The following CRMP1 variants were observed in gnomAD, a reference collection of about 807,000 sequenced individuals.
CRMP1 encodes the protein dihydropyrimidinase-related protein 1.
Under a neutral mutation model 68.3 loss-of-function variants are expected in CRMP1, and 19 were observed. The ratio of observed to expected loss-of-function variants is 0.28; its 90% CI spans 0.19 to 0.41. The LOEUF is 0.41. Among genes scored for constraint, CRMP1 ranks in the 10% least tolerant of loss-of-function variants. The probability of loss-of-function intolerance (pLI) is 1.00; values close to 1 mark genes in which losing one functional copy is unlikely to be tolerated. For synonymous variants in CRMP1, 439 were observed against 399.6 expected (o/e 1.10, Z -1.18); for missense variants, 791 against 967.4 (o/e 0.82, Z 2.42).
chr4:5,875,598 G>A (rs945937244), intron 1 of CRMP1, among the ~76,000 whole-genome samples: 4 of 152,096 alleles, frequency 2.6e-5, no homozygotes, highest in Admixed American at 1.3e-4. Context: ...TAGGAGTTCA[G>A]AAGTCTAGAA....
rs1328762803 is a variant in CRMP1 at position 5,858,424 on chromosome 4, G to C, written c.656-2117C>G. Among the ~76,000 whole-genome samples, 6 of 151,456 alleles carry C rather than the reference G, an allele frequency of 4.0e-5. No individual in the cohort carries two copies. Among genetic ancestry groups the C allele is most frequent in the Non-Finnish European group, 7.4e-5 (5 of 67,976 alleles). ...TACTCTCCCCACCCCGACCCCAGCTGTGGTGGACATCACCAACCAACGGTT... is the reference window on the plus strand; with the variant it reads ...TACTCTCCCCACCCCGACCCCAGCTCTGGTGGACATCACCAACCAACGGTT... On this transcript the variant is annotated intron_variant, in intron 3 of 13. Transcript: ENST00000324989. The surrounding 1 kb of genome is among the most constrained non-coding windows in gnomAD (Gnocchi z 5.5).
chr4:5,843,035 T>A lies in CRMP1; in HGVS notation c.1032+58A>T. 1.9e-6 allele frequency: 3 copies of A among 1,538,470 alleles called. No homozygotes were observed. In the South Asian group the frequency reaches 3.4e-5, roughly 17 times the overall value. ...CTGGGCTACTCCAGCTGGAACAGCA[T>A]CAAGGTGAGTGCTCAGTGGTGAGTG... On this transcript the variant is annotated intron_variant, in intron 7 of 13. Transcript: ENST00000324989. This position sits in a 1 kb window ranked among gnomAD's most constrained non-coding sequence, Gnocchi z 4.1.
chr4:5,851,959 GGAGGAA>G (rs1712686035), intron 4 of CRMP1, among the ~76,000 whole-genome samples: 1 of 16,246 alleles, frequency 6.2e-5, no homozygotes, highest in African/African-American at 1.2e-4. Flanking sequence ...GGGAGAAGAA[GGAGGAA>G]GAGGAAGAGG....
In CRMP1 at chr4:5,892,912, G is replaced by A; in HGVS notation, c.58C>T (p.Arg20Trp). ...GGGGTCTGCGCCGCGCTGCCCGGCCGCGCCAGGTACACGGGCAGGTCGTCC... is the reference window on the plus strand; with the variant it reads ...GGGGTCTGCGCCGCGCTGCCCGGCCACGCCAGGTACACGGGCAGGTCGTCC... ...TEDDLPVYLA[R>W]PGSAAQTPRQ... Residue 20 changes from arginine (R) to tryptophan (W), a missense_variant, in exon 1 of 14, where the codon CGG becomes TGG. Transcript: ENST00000324989. This position sits in a 1 kb window ranked among gnomAD's most constrained non-coding sequence, Gnocchi z 8.6. The A allele has an allele frequency of 1.5e-6, 2 of 1,351,504 alleles. No homozygotes were observed. The highest frequency in any genetic ancestry group is 1.6e-5 in the South Asian group (1 of 60,860). 83.7% of individuals were successfully genotyped at this position (1,351,504 alleles called of 1,614,324 possible). A position where few individuals can be genotyped will look rare whatever the true frequency, so the allele number is the denominator to read the frequency against.
Position 5,842,453 on chromosome 4 carries a change from G to GA in CRMP1, c.1032+639dup, listed in dbSNP as rs1177892214. 1.2e-4 allele frequency among the ~76,000 whole-genome samples: 18 copies of GA among 147,234 alleles called. No individual in the cohort carries two copies. The highest frequency in any genetic ancestry group is 1.7e-4 in the African/African-American group (7 of 40,076). ...CAAAAAAAAAAAAAAAAAAAGAAAA[G>GA]AAAGAAAGAAAGTAAAAAGAAGGTG... On this transcript the variant is annotated intron_variant, in intron 7 of 13. Coordinates refer to ENST00000324989, the MANE Select transcript of CRMP1 (RefSeq NM_001014809.3). The surrounding 1 kb of genome is among the most constrained non-coding windows in gnomAD (Gnocchi z 4.5).
intron 11 of CRMP1, among the ~76,000 whole-genome samples, chr4:5,830,170 A>G (rs1230880257): frequency 1.3e-5 from 2 of 152,166 alleles, no homozygotes; most frequent in Non-Finnish European, 2.9e-5. Context: ...TGTTTTGCAC[A>G]TTATTCTATT....
chr4:5,849,252 G>A (rs1577785036), intron 6 of CRMP1, 140 bp downstream of exon 6: 2 of 658,538 alleles, frequency 3.0e-6, no homozygotes, highest in East Asian at 5.4e-5. Context: ...ATTCATATCT[G>A]ATGTGTCTGA....
rs1716025159 is a variant in CRMP1 at position 5,893,046 on chromosome 4, C to A, written c.-77G>T. Reference sequence around the variant, plus strand: ...CTGGGCACCGCCGTGCGCCGCGCTCCGCGCCTCGGTGCGGGCCTGCGGCGG... The same window carrying A: ...CTGGGCACCGCCGTGCGCCGCGCTCAGCGCCTCGGTGCGGGCCTGCGGCGG... On this transcript the variant is annotated 5_prime_UTR_variant, in exon 1 of 14. Transcript: ENST00000324989. The A allele has an allele frequency of 1.1e-5, 11 of 985,436 alleles. No homozygotes were observed. Among genetic ancestry groups the A allele is most frequent in the African/African-American group, 3.5e-5 (2 of 56,858 alleles). The allele number at this position is 985,436 out of a possible 1,614,324, so 61.0% of individuals were successfully genotyped here. A position where few individuals can be genotyped will look rare whatever the true frequency, so the allele number is the denominator to read the frequency against.
intron 10 of CRMP1, 133 bp from the exon 11 acceptor site, chr4:5,836,218 G>C (rs543729264): frequency 1.2e-5 from 9 of 747,782 alleles, no homozygotes; most frequent in Middle Eastern, 4.3e-4. Flanking sequence ...AGCTAAAAAC[G>C]TGCCATCATC....
rs755540403 is a variant in CRMP1, at chr4:5,890,550, G to A, written c.381+2039C>T. Among the ~76,000 whole-genome samples the A allele has an allele frequency of 6.6e-6, 1 of 152,230 alleles. No individual in the cohort carries two copies. Among genetic ancestry groups the A allele is most frequent in the Admixed American group, 6.5e-5 (1 of 15,292 alleles). On this transcript the variant is annotated intron_variant, in intron 1 of 13. Transcript: ENST00000324989. This position sits in a 1 kb window ranked among gnomAD's most constrained non-coding sequence, Gnocchi z 5.5. Reference sequence around the variant, plus strand: ...CGGCAGAAAGTAAAACCCTCCCTCCGTGGAGATCGCGAGCCCCTGAGTTCC... The same window carrying A: ...CGGCAGAAAGTAAAACCCTCCCTCCATGGAGATCGCGAGCCCCTGAGTTCC...
chr4:5,829,457 T>G (rs944211143), intron 11 of CRMP1, among the ~76,000 whole-genome samples: 9 of 152,204 alleles, frequency 5.9e-5, no homozygotes, highest in African/African-American at 2.2e-4. Context: ...GACAGTTGTG[T>G]GTCAACTGTC....
Position 5,892,895 on chromosome 4 carries a change from C to T in CRMP1, c.75G>A (p.Ala25=), listed in dbSNP as rs1347912557. The T allele has an allele frequency of 3.6e-6, 5 of 1,381,004 alleles. No individual in the cohort carries two copies. Among genetic ancestry groups the T allele is most frequent in the Non-Finnish European group, 4.7e-6 (5 of 1,061,130 alleles). The allele number at this position is 1,381,004 out of a possible 1,614,324, so 85.5% of individuals were successfully genotyped here. A position where few individuals can be genotyped will look rare whatever the true frequency, so the allele number is the denominator to read the frequency against. Reference sequence around the variant, plus strand: ...CGCCGTACTTCTGGCGCGGGGTCTGCGCCGCGCTGCCCGGCCGCGCCAGGT... The same window carrying T: ...CGCCGTACTTCTGGCGCGGGGTCTGTGCCGCGCTGCCCGGCCGCGCCAGGT... ...PVYLARPGSA[A]QTPRQKYGGM... Residue 25 remains alanine, a synonymous_variant, in exon 1 of 14, where the codon GCG becomes GCA. Coordinates refer to ENST00000324989, the MANE Select transcript of CRMP1 (RefSeq NM_001014809.3). This position sits in a 1 kb window ranked among gnomAD's most constrained non-coding sequence, Gnocchi z 8.6.
At chr4:5,884,516 C>G (rs1439433824) in intron 1 of CRMP1, among the ~76,000 whole-genome samples, 2 of 147,890 alleles carry the variant, frequency 1.4e-5, no homozygotes, top group African/African-American at 5.1e-5. Context: ...TTTCCTAGCA[C>G]GCAGACCAGC....
chr4:5,880,445 G>A lies in CRMP1; in HGVS notation c.381+12144C>T, dbSNP rs561075374. 9.9e-5 allele frequency among the ~76,000 whole-genome samples: 15 copies of A among 152,260 alleles called. No homozygotes were observed. The East Asian group carries it at 2.7e-3, about 27-fold the overall frequency. On this transcript the variant is annotated intron_variant, in intron 1 of 13. Coordinates refer to ENST00000324989, the MANE Select transcript of CRMP1 (RefSeq NM_001014809.3). ...GGCAGGTTCAAAATTTCCTCAAATA[G>A]CCACCTTTTTGCTGTATGTAATTCT...
chr4:5,844,462 A>G (rs1048564732), intron 6 of CRMP1, among the ~76,000 whole-genome samples: 1 of 152,206 alleles, frequency 6.6e-6, no homozygotes, highest in Non-Finnish European at 1.5e-5. Context: ...ATGATGAAGA[A>G]AAACAAAGAC....
At position 5,834,113 on chromosome 4, in the gene CRMP1, G is replaced by T. The variant is rs1003582510; in HGVS notation, c.1623+1802C>A. On this transcript the variant is annotated intron_variant, in intron 11 of 13. Coordinates refer to ENST00000324989, the MANE Select transcript of CRMP1 (RefSeq NM_001014809.3). The surrounding 1 kb of genome is among the most constrained non-coding windows in gnomAD (Gnocchi z 4.3). Reference sequence around the variant, plus strand: ...ACTTCCTTCTGGGTCCTTGTCCGCCGACCTTTGACTGGCTGACACAGACAT... The same window carrying T: ...ACTTCCTTCTGGGTCCTTGTCCGCCTACCTTTGACTGGCTGACACAGACAT... Among the ~76,000 whole-genome samples, 3 of 152,186 alleles carry T rather than the reference G, an allele frequency of 2.0e-5. No homozygotes were observed. The highest frequency in any genetic ancestry group is 7.2e-5 in the African/African-American group (3 of 41,436).
chr4:5,893,050 C>G lies in CRMP1; in HGVS notation c.-81G>C. 1.0e-6 allele frequency: 1 copy of G among 959,500 alleles called. No homozygotes were observed. The highest frequency in any genetic ancestry group is 4.7e-5 in the South Asian group (1 of 21,170). The allele number at this position is 959,500 out of a possible 1,614,324, so 59.4% of individuals were successfully genotyped here. ...GCACCGCCGTGCGCCGCGCTCCGCG[C>G]CTCGGTGCGGGCCTGCGGCGGCCCG... On this transcript the variant is annotated 5_prime_UTR_variant, in exon 1 of 14. Coordinates refer to ENST00000324989, the MANE Select transcript of CRMP1 (RefSeq NM_001014809.3).
chr4:5,824,513 ACT>A, intron 13 of CRMP1: 18 of 984,290 alleles, frequency 1.8e-5, no homozygotes, highest in South Asian at 4.7e-5. Context: ...TGCCCCTTCC[ACT>A]CTCTCTTTTG....
chr4:5,845,897 C>A (rs548708680), intron 6 of CRMP1, among the ~76,000 whole-genome samples: 8 of 152,078 alleles, frequency 5.3e-5, no homozygotes, highest in Non-Finnish European at 1.2e-4. Context: ...AACAGTCTTG[C>A]GAAGAAACCA....
Sources: gnomAD v4.1 joint callset for allele counts (sites outside exome capture counted in the v4.1 genomes callset) on GRCh38, gnomAD v4.1.1 for gene constraint, Gnocchi (gnomAD v3.1) non-coding constraint, MANE v1.5 for transcripts, NCBI Gene and HGNC (gene_info 2026-07-23, HGNC 2026-07-21) for gene names.